CDK14: variants seen among roughly 807,000 people sequenced by gnomAD.
The protein encoded by CDK14 is cyclin dependent kinase 14, also known as cyclin-dependent kinase 14.
CDK14 carries 34 observed loss-of-function variants against 60.7 expected under a neutral mutation model. That is an observed-to-expected ratio of 0.56 (90% confidence interval 0.43 to 0.75). The LOEUF (loss-of-function observed/expected upper bound fraction) is 0.75. Ranked by LOEUF, CDK14 falls within the 30% of genes least tolerant of loss-of-function variation. The pLI is 0.00. For synonymous variants in CDK14, 197 were observed against 203.7 expected (o/e 0.97, Z 0.28); for missense variants, 482 against 564.1 (o/e 0.85, Z 1.47).
intron 11 of CDK14, among the ~76,000 whole-genome samples, chr7:91,052,627 T>A (rs1275036794): frequency 1.3e-5 from 2 of 152,110 alleles, no homozygotes; most frequent in East Asian, 3.8e-4. Flanking sequence ...ATTATTCAGA[T>A]GCTCAAAAAG....
At chr7:91,193,924 G>T (rs1802452574) in intron 14 of CDK14, among the ~76,000 whole-genome samples, 1 of 151,980 alleles carries the variant, frequency 6.6e-6, no homozygotes, top group South Asian at 2.1e-4. Context: ...TGTTTTCTAA[G>T]CCTCTAAATA....
At chr7:91,098,419 G>A (rs1584055712) in intron 12 of CDK14, among the ~76,000 whole-genome samples, 1 of 151,756 alleles carries the variant, frequency 6.6e-6, no homozygotes, top group South Asian at 2.1e-4. Flanking sequence ...ATGAGTTAAG[G>A]GGCGCAGCAC....
At chr7:90,926,428 T>G (rs193067683) in intron 8 of CDK14, among the ~76,000 whole-genome samples, 1 of 152,202 alleles carries the variant, frequency 6.6e-6, no homozygotes, top group Non-Finnish European at 1.5e-5. Context: ...ATCACCCTCT[T>G]TAATTATATT....
At chr7:90,780,935 G>A (rs570459816) in intron 4 of CDK14, among the ~76,000 whole-genome samples, 71 of 152,036 alleles carry the variant, frequency 4.7e-4, no homozygotes, top group African/African-American at 1.6e-3. Context: ...GGATGGCTGG[G>A]TCAAATGGTA....
chr7:91,205,535 A>G (rs1802868197), intron 14 of CDK14, among the ~76,000 whole-genome samples: 4 of 152,222 alleles, frequency 2.6e-5, no homozygotes, highest in Non-Finnish European at 4.4e-5. Flanking sequence ...GGCTGGGACA[A>G]GGAGAGAATG....
At chr7:91,134,687 A>G (rs1427150497) in intron 14 of CDK14, among the ~76,000 whole-genome samples, 1 of 152,122 alleles carries the variant, frequency 6.6e-6, no homozygotes, top group East Asian at 1.9e-4. Context: ...CAGAGTAGCC[A>G]ACATGGTGAA....
intron 11 of CDK14, among the ~76,000 whole-genome samples, chr7:91,059,892 G>T (rs564038238): frequency 1.3e-5 from 2 of 152,374 alleles, no homozygotes; most frequent in Non-Finnish European, 2.9e-5. Flanking sequence ...TTGATTTGGG[G>T]TGGAGAGTTC....
chr7:90,613,760 A>G (rs1409789058), intron 2 of CDK14, among the ~76,000 whole-genome samples: 8 of 152,022 alleles, frequency 5.3e-5, no homozygotes, highest in East Asian at 1.9e-4. Flanking sequence ...TAACTACTCT[A>G]TTTTCTTCAA....
At chr7:90,739,676 G>A (rs756312227) in intron 3 of CDK14, among the ~76,000 whole-genome samples, 4 of 152,202 alleles carry the variant, frequency 2.6e-5, no homozygotes, top group Non-Finnish European at 5.9e-5. Context: ...GAATAAAAAG[G>A]TAATTTTCCG....
intron 10 of CDK14, among the ~76,000 whole-genome samples, chr7:91,036,025 A>T (rs1796923564): frequency 6.6e-6 from 1 of 151,902 alleles, no homozygotes; most frequent in Non-Finnish European, 1.5e-5. Context: ...TTGTATTTTT[A>T]GTAGAGACGG....
At chr7:91,018,235 A>AT (rs1322435521) in intron 10 of CDK14, among the ~76,000 whole-genome samples, 5 of 152,132 alleles carry the variant, frequency 3.3e-5, no homozygotes, top group African/African-American at 4.8e-5. Context: ...TTCCTCTTCC[A>AT]TTTACTAGCT....
intron 6 of CDK14, among the ~76,000 whole-genome samples, chr7:90,891,218 G>A (rs1475427943): frequency 1.3e-5 from 2 of 152,118 alleles, no homozygotes; most frequent in South Asian, 4.1e-4. Context: ...TTTATAATGG[G>A]TTCATTCACC....
intron 12 of CDK14, among the ~76,000 whole-genome samples, chr7:91,110,991 A>T (rs1286883591): frequency 3.3e-5 from 5 of 152,120 alleles, no homozygotes; most frequent in Admixed American, 3.3e-4. Context: ...AGGGGAAAAA[A>T]CTGTGAAGAA....
intron 12 of CDK14, among the ~76,000 whole-genome samples, chr7:91,085,531 T>C (rs1299505708): frequency 6.6e-6 from 1 of 152,188 alleles, no homozygotes; most frequent in African/African-American, 2.4e-5. Context: ...GTACAGTCCC[T>C]TTTGCTGTGA....
intron 5 of CDK14, among the ~76,000 whole-genome samples, chr7:90,850,922 G>A (rs1480888543): frequency 1.3e-5 from 2 of 152,120 alleles, no homozygotes; most frequent in Admixed American, 6.6e-5. Flanking sequence ...GATGCTGCAA[G>A]TGAACAGTTT....
chr7:90,768,159 C>A (rs1190108574), intron 4 of CDK14, among the ~76,000 whole-genome samples: 1 of 152,166 alleles, frequency 6.6e-6, no homozygotes, highest in Non-Finnish European at 1.5e-5. Flanking sequence ...ATTAGTAAGA[C>A]CTGGAGAGAA....
chr7:90,602,457 C>G (rs1799336111), intron 1 of CDK14, among the ~76,000 whole-genome samples: 2 of 152,100 alleles, frequency 1.3e-5, no homozygotes, highest in African/African-American at 4.8e-5. Context: ...GTAAAGGACT[C>G]ATTAGTCAAA....
At chr7:91,050,848 G>A (rs1159350743) in intron 11 of CDK14, among the ~76,000 whole-genome samples, 2 of 152,172 alleles carry the variant, frequency 1.3e-5, no homozygotes, top group African/African-American at 2.4e-5. Context: ...AAGAGGGAGC[G>A]AAAGAGAAGA....
At chr7:91,174,144 T>A (rs1482454782) in intron 14 of CDK14, among the ~76,000 whole-genome samples, 54 of 152,106 alleles carry the variant, frequency 3.6e-4, no homozygotes, top group African/African-American at 1.1e-3. Context: ...AGTGGGTCCC[T>A]GACCCCTGAC....
Sources: allele counts gnomAD v4.1 joint callset (sites outside exome capture counted in the v4.1 genomes callset), GRCh38; gene constraint gnomAD v4.1.1; transcripts MANE v1.5; gene names NCBI Gene and HGNC (gene_info 2026-07-23, HGNC 2026-07-21).